Variants in COL6A2 observed in about 807,000 individuals in gnomAD.
The protein encoded by COL6A2 is collagen alpha-2(VI) chain.
COL6A2 carries 90 observed loss-of-function variants against 124.9 expected under a neutral mutation model. The observed-to-expected ratio is 0.72, with a 90% CI of 0.61 to 0.86. The LOEUF (loss-of-function observed/expected upper bound fraction) is 0.86, where lower values mean the gene tolerates loss of function less well. Among genes scored for constraint, COL6A2 ranks in the 40% least tolerant of loss-of-function variants. The pLI is 0.00. For synonymous variants in COL6A2, 793 were observed against 618.2 expected (o/e 1.28, Z -4.19); for missense variants, 1,607 against 1,502.5 (o/e 1.07, Z -1.15).
Position 46,126,209 on chromosome 21 carries a change from C to T in COL6A2, c.2394C>T (p.Ile798=), listed in dbSNP as rs756575729. The T allele has an allele frequency of 1.2e-5, 20 of 1,601,378 alleles. No individual in the cohort carries two copies. Among genetic ancestry groups the T allele is most frequent in the East Asian group, 4.5e-5 (2 of 44,822 alleles). Residue 798 remains isoleucine (I), a synonymous_variant, in exon 26 of 28, where the codon ATC becomes ATT. Transcript: ENST00000300527. ...CCGACCTGGTCGCTGAGAAGTTCATCGATGACATGGAGGACGTCCTCTGCC... is the reference window on the plus strand; with the variant it reads ...CCGACCTGGTCGCTGAGAAGTTCATTGATGACATGGAGGACGTCCTCTGCC... ...LFSDLVAEKF[I]DDMEDVLCPD... is the part of the protein sequence containing the mutation.
chr21:46,131,461 T>C (rs956492064), intron 27 of COL6A2, among the ~76,000 whole-genome samples: 9 of 152,172 alleles, frequency 5.9e-5, no homozygotes, highest in African/African-American at 2.2e-4. Context: ...GGGCTCCTGG[T>C]CTTTCCGGGA....
intron 1 of COL6A2, among the ~76,000 whole-genome samples, chr21:46,109,022 G>T (rs934454126): frequency 1.3e-5 from 2 of 152,178 alleles, no homozygotes; most frequent in Non-Finnish European, 2.9e-5. Flanking sequence ...GGGTTGTCTT[G>T]TCAAATGTTC....
At chr21:46,114,297 C>T (rs540826549) in intron 5 of COL6A2, among the ~76,000 whole-genome samples, 7 of 151,926 alleles carry the variant, frequency 4.6e-5, no homozygotes, top group East Asian at 1.9e-4. Context: ...TAGTGGCATG[C>T]GCCTGTAGTC....
At chr21:46,131,864 T>G in intron 27 of COL6A2, 90 bp from the exon 28 acceptor site, 2 of 1,222,274 alleles carry the variant, frequency 1.6e-6, no homozygotes, top group East Asian at 5.1e-5. Context: ...GCAGGCAGGG[T>G]GCGAATGGAA....
At position 46,128,249 on chromosome 21, in the gene COL6A2, T is replaced by C. The variant is rs936697786; in HGVS notation, c.2461+1708T>C. 3.9e-5 allele frequency among the ~76,000 whole-genome samples: 6 copies of C among 152,164 alleles called. 1 individual carries two copies. The highest frequency in any genetic ancestry group is 8.8e-5 in the Non-Finnish European group (6 of 68,014). ...GGCCTCTTCTGAGGCCTCCAGGACC[T>C]GACAGTGAGTGGGAGCAGCCCTGGC... On this transcript the variant is annotated intron_variant, in intron 27 of 27. Transcript: ENST00000300527.
At chr21:46,131,732 G>T (rs1002293752) in intron 27 of COL6A2, among the ~76,000 whole-genome samples, 3 of 152,204 alleles carry the variant, frequency 2.0e-5, no homozygotes, top group Non-Finnish European at 4.4e-5. Context: ...TCAGGCCTGG[G>T]AGCACCAGCA....
intron 1 of COL6A2, among the ~76,000 whole-genome samples, chr21:46,108,408 A>G (rs1375387457): frequency 6.6e-6 from 1 of 152,206 alleles, no homozygotes; most frequent in Non-Finnish European, 1.5e-5. Context: ...ATGAGCATCT[A>G]TGCATTTGTG....
At position 46,121,709 on chromosome 21, in the gene COL6A2, C is replaced by G. The variant is rs2078569538; in HGVS notation, c.1521+91C>G. 2.3e-6 allele frequency: 3 copies of G among 1,303,678 alleles called. No individual in the cohort carries two copies. The East Asian group carries it at 7.2e-5, about 31-fold the overall frequency. 80.8% of individuals were successfully genotyped at this position (1,303,678 alleles called of 1,614,324 possible). A position where few individuals can be genotyped will look rare whatever the true frequency, so the allele number is the denominator to read the frequency against. ...GGGGCCGGCCTGGGGGACCCTGTTG[C>G]CGGCAGACGTGCCTCAGGACGGGCC... On this transcript the variant is annotated intron_variant, in intron 18 of 27. Transcript: ENST00000300527.
Position 46,132,366 on chromosome 21 carries a change from C to A in COL6A2, c.2874C>A (p.His958Gln). ...GCGTCACGGGCAACGACAGTCTGCA[C>A]GAGTCGGCGCACTCCATGCGCAAGC... Reference protein sequence around the residue: ...TDGVTGNDSLHESAHSMRKQN... With the variant: ...TDGVTGNDSLQESAHSMRKQN... Residue 958 changes from histidine to glutamine, a missense_variant, in exon 28 of 28, where the codon CAC becomes CAA. By Grantham distance (24) the His-to-Gln change is conservative (BLOSUM62 0). This residue lies in a region of COL6A2 where 1,223 missense variants were observed against 1,052.2 expected (regional missense o/e 1.16). Transcript: ENST00000300527. The A allele has an allele frequency of 6.2e-7, 1 of 1,609,046 alleles. No homozygotes were observed. The highest frequency in any genetic ancestry group is 1.3e-5 in the African/African-American group (1 of 75,046).
chr21:46,112,919 G>C, intron 4 of COL6A2, 95 bp downstream of exon 4: 2 of 1,512,234 alleles, frequency 1.3e-6, no homozygotes, highest in Non-Finnish European at 1.8e-6. Flanking sequence ...CTCCAGGCTG[G>C]AACAGATGAG....
At chr21:46,115,307 T>G (rs1452710552) in intron 5 of COL6A2, among the ~76,000 whole-genome samples, 2 of 152,238 alleles carry the variant, frequency 1.3e-5, no homozygotes, top group Admixed American at 1.3e-4. Flanking sequence ...TCCTCCCTTT[T>G]CTTCCTTTTG....
At chr21:46,122,841 T>C (rs370580629) in intron 20 of COL6A2, 34 bp from the exon 21 acceptor site, 83 of 1,599,050 alleles carry the variant, frequency 5.2e-5, no homozygotes, top group Non-Finnish European at 5.1e-6. Context: ...AGACAGCTCC[T>C]CTGTCCCAGG....
In COL6A2 at chr21:46,114,078, G is replaced by A. The variant is rs1321445101; in HGVS notation, c.801+5G>A. Reference sequence around the variant, plus strand: ...AAGGGCTACCGTGGACAGAAGGTAAGATGCCCAGATTACCTGCAGGGTCTG... The same window carrying A: ...AAGGGCTACCGTGGACAGAAGGTAAAATGCCCAGATTACCTGCAGGGTCTG... On this transcript the variant is annotated splice_donor_5th_base_variant and intron_variant, in intron 5 of 27. Coordinates refer to ENST00000300527, the MANE Select transcript of COL6A2 (RefSeq NM_001849.4). 1 of 1,610,564 alleles carries A rather than the reference G, an allele frequency of 6.2e-7. No homozygotes were observed. Among genetic ancestry groups the A allele is most frequent in the Non-Finnish European group, 8.5e-7 (1 of 1,177,334 alleles).
chr21:46,127,437 G>A (rs191150016), intron 27 of COL6A2, among the ~76,000 whole-genome samples: 79 of 152,276 alleles, frequency 5.2e-4, no homozygotes, highest in Middle Eastern at 3.4e-3. Flanking sequence ...TCAGAGCCGA[G>A]GTTCCCCATA....
intron 1 of COL6A2, among the ~76,000 whole-genome samples, chr21:46,102,519 C>G (rs1378195060): frequency 6.6e-6 from 1 of 152,154 alleles, no homozygotes; most frequent in Non-Finnish European, 1.5e-5. Context: ...ATGATGTTCA[C>G]TGTGGCTTTT....
chr21:46,129,400 G>A (rs372447831), intron 27 of COL6A2: 21 of 1,612,732 alleles, frequency 1.3e-5, no homozygotes, highest in African/African-American at 9.3e-5. Context: ...GGGGTAGAGC[G>A]GCAGGACTGG....
rs369040271 is a variant in COL6A2 at position 46,131,994 on chromosome 21, C to A, written c.2502C>A (p.Ile834=). The change falls in exon 28 of 28, where the codon ATC becomes ATA. Residue 834 remains isoleucine (I), a synonymous_variant. Transcript: ENST00000300527. ...AGTGCACGCAGCGGCCCGTGGACAT[C>A]GTCTTCCTGCTGGACGGCTCCGAGC... is the stretch of plus-strand genomic sequence containing the variant. ...VAQCTQRPVD[I]VFLLDGSERL... The A allele has an allele frequency of 4.2e-5, 67 of 1,609,860 alleles. No homozygotes were observed. The highest frequency in any genetic ancestry group is 6.7e-5 in the East Asian group (3 of 44,832).
At position 46,124,901 on chromosome 21, in the gene COL6A2, CT is replaced by C. The variant is rs1173885435; in HGVS notation, c.1752del (p.Gly585GlufsTer11). ...CTTCCCCAGGGTGAGCCCGGCCCCC[CT>C]GGAGACCCCGGTCTCACGGTAGGTG... is the stretch of plus-strand genomic sequence containing the variant. Reference protein sequence around the residue: ...VPGPEGEPGPPGDPGLTECDV... With the variant: ...VPGPEGEPGPXGDPGLTECDV... On this transcript the variant is annotated frameshift_variant, in exon 23 of 28. Coordinates refer to ENST00000300527, the MANE Select transcript of COL6A2 (RefSeq NM_001849.4). LOFTEE classifies it high-confidence loss of function. The C allele has an allele frequency of 1.2e-6, 2 of 1,612,946 alleles. No homozygotes were observed. The highest frequency in any genetic ancestry group is 8.5e-7 in the Non-Finnish European group (1 of 1,180,018).
chr21:46,122,929 G>A lies in COL6A2; in HGVS notation c.1663G>A (p.Gly555Arg). Residue 555 changes from glycine (G) to arginine (R), a missense_variant, in exon 21 of 28, where the codon GGA becomes AGA. Physicochemically the swap from Gly to Arg is moderately radical, Grantham distance 125 (BLOSUM62 -2). This residue lies in a region of COL6A2 where 1,223 missense variants were observed against 1,052.2 expected (regional missense o/e 1.16). Transcript: ENST00000300527. ...KGEPGRKGEK[G>R]EPADPGPPGE... ...AGAACCTGGGAGGAAAGGAGAGAAAGGAGAGCCTGTGAGTGTCACCGTCCC... is the reference window on the plus strand; with the variant it reads ...AGAACCTGGGAGGAAAGGAGAGAAAAGAGAGCCTGTGAGTGTCACCGTCCC... The A allele has an allele frequency of 6.2e-7, 1 of 1,613,264 alleles. No individual in the cohort carries two copies.
Sources: allele counts gnomAD v4.1 joint callset (sites outside exome capture counted in the v4.1 genomes callset), GRCh38; gene constraint gnomAD v4.1.1; regional missense constraint gnomAD v4.1.1; transcripts MANE v1.5; gene names NCBI Gene and HGNC (gene_info 2026-07-23, HGNC 2026-07-21).